The following FBXO11 variants were observed in gnomAD, a reference collection of about 807,000 sequenced individuals.
FBXO11 encodes the protein F-box only protein 11.
In FBXO11, 13 loss-of-function variants were observed where a neutral mutation model predicts 117.0. That is an observed-to-expected ratio of 0.11 (90% CI 0.07 to 0.18). The LOEUF (loss-of-function observed/expected upper bound fraction) is 0.18. FBXO11 is among the 10% of genes least tolerant of loss of function. FBXO11 has a pLI of 1.00. For missense variants in FBXO11, 767 were observed against 1,164.4 expected (o/e 0.66, Z 4.97); for synonymous variants, 490 against 380.5 (o/e 1.29, Z -3.35).
intron 1 of FBXO11, among the ~76,000 whole-genome samples, chr2:47,857,958 CAT>C (rs1553348364): frequency 2.0e-5 from 3 of 151,958 alleles, no homozygotes; most frequent in Non-Finnish European, 2.9e-5. Flanking sequence ...TACACACACA[CAT>C]ACATATATTT....
chr2:47,808,104 T>C lies in FBXO11; in HGVS notation c.*14A>G. On this transcript the variant is annotated 3_prime_UTR_variant, in exon 23 of 23. Transcript: ENST00000403359. ...GATGTTACAATGGCAGGACTTTTTCTTTAGGGAAGGAATTCAGTTGTGCTG... is the reference window on the plus strand; with the variant it reads ...GATGTTACAATGGCAGGACTTTTTCCTTAGGGAAGGAATTCAGTTGTGCTG... 6.3e-7 allele frequency: 1 copy of C among 1,594,420 alleles called. No individual in the cohort carries two copies. Among genetic ancestry groups the C allele is most frequent in the Non-Finnish European group, 8.5e-7 (1 of 1,173,482 alleles).
rs183074681 is a variant in FBXO11 at position 47,876,810 on chromosome 2, T to C, written c.232+28679A>G. ...ATGAAACCTTAAATTCTGGAAACCT[T>C]TTAATCATTATCTCACTGAATACTG... On this transcript the variant is annotated intron_variant, in intron 1 of 22. Transcript: ENST00000403359. Among the ~76,000 whole-genome samples the C allele has an allele frequency of 6.1e-3, 926 of 152,278 alleles. 4 individuals carry two copies. The highest frequency in any genetic ancestry group is 9.1e-3 in the Non-Finnish European group (619 of 68,016).
intron 11 of FBXO11, among the ~76,000 whole-genome samples, chr2:47,829,503 G>T (rs1672024347): frequency 6.6e-6 from 1 of 152,076 alleles, no homozygotes; most frequent in Admixed American, 6.6e-5. Context: ...GCCTCCCAAA[G>T]TGCTAGGATT....
At chr2:47,885,263 A>T (rs1304594455) in intron 1 of FBXO11, among the ~76,000 whole-genome samples, 3 of 152,228 alleles carry the variant, frequency 2.0e-5, no homozygotes, top group African/African-American at 7.2e-5. Context: ...TGTCAAAAAA[A>T]AGAAAACTGC....
chr2:47,873,029 A>G (rs1675737840), intron 1 of FBXO11, among the ~76,000 whole-genome samples: 1 of 152,168 alleles, frequency 6.6e-6, no homozygotes, highest in African/African-American at 2.4e-5. Flanking sequence ...AAAAAGTCTG[A>G]GAACTGCTAT....
intron 11 of FBXO11, among the ~76,000 whole-genome samples, 196 bp from the exon 12 acceptor site, chr2:47,823,556 C>T (rs1219746276): frequency 6.6e-6 from 1 of 152,072 alleles, no homozygotes; most frequent in Non-Finnish European, 1.5e-5. Context: ...AAGAGGAGAC[C>T]AGCCTGGCCA....
At chr2:47,899,832 A>G (rs1055281971) in intron 1 of FBXO11, among the ~76,000 whole-genome samples, 6 of 152,226 alleles carry the variant, frequency 3.9e-5, no homozygotes. Flanking sequence ...GGGACAAGAC[A>G]GAAACAAAAT....
chr2:47,820,956 T>C (rs1480123161), intron 13 of FBXO11, among the ~76,000 whole-genome samples: 1 of 152,244 alleles, frequency 6.6e-6, no homozygotes, highest in Non-Finnish European at 1.5e-5. Context: ...TATCTACTGA[T>C]TGTTTGCTGA....
chr2:47,890,811 GAA>G lies in FBXO11; in HGVS notation c.232+14676_232+14677del, dbSNP rs372701492. Among the ~76,000 whole-genome samples the G allele has an allele frequency of 5.7e-3, 838 of 146,494 alleles. 5 individuals are homozygous for G. The highest frequency in any genetic ancestry group is 0.02 in the African/African-American group (795 of 39,960). On this transcript the variant is annotated intron_variant, in intron 1 of 22. Transcript: ENST00000403359. The stretch of plus-strand genomic sequence containing the variant: ...AGAGCGAGACCCTGTCTAAAAAAAA[GAA>G]AAAAAAAAATATTATTATTATTGAG...
At chr2:47,845,211 TA>T (rs1158370823) in intron 1 of FBXO11, among the ~76,000 whole-genome samples, 1 of 122,348 alleles carries the variant, frequency 8.2e-6, no homozygotes, top group African/African-American at 3.1e-5. Context: ...GACTGAAAAG[TA>T]AGGAATTCAG....
chr2:47,881,496 T>C (rs1271846973), intron 1 of FBXO11, among the ~76,000 whole-genome samples: 2 of 152,198 alleles, frequency 1.3e-5, no homozygotes, highest in African/African-American at 4.8e-5. Context: ...TCCTCTCCCA[T>C]TACCCTATTT....
rs367632548 is a variant in FBXO11 at position 47,834,491 on chromosome 2, C to G, written c.934+88G>C. ...ACTTTACCAGCAGGATATTATAAAACTGGATTTTAAGTCACTAGCATTTTT... is the reference window on the plus strand; with the variant it reads ...ACTTTACCAGCAGGATATTATAAAAGTGGATTTTAAGTCACTAGCATTTTT... On this transcript the variant is annotated intron_variant, in intron 7 of 22. Coordinates refer to ENST00000403359, the MANE Select transcript of FBXO11 (RefSeq NM_001190274.2). 37 of 989,216 alleles carry G rather than the reference C, an allele frequency of 3.7e-5. 1 individual carries two copies. In the South Asian group the frequency reaches 3.9e-4, roughly 10 times the overall value. The allele number at this position is 989,216 out of a possible 1,614,324, so 61.3% of individuals were successfully genotyped here.
intron 1 of FBXO11, among the ~76,000 whole-genome samples, chr2:47,873,861 A>C (rs1675801144): frequency 6.6e-6 from 1 of 152,150 alleles, no homozygotes; most frequent in African/African-American, 2.4e-5. Context: ...TTTACATTTA[A>C]TCTGTGTTCC....
At position 47,833,069 on chromosome 2, in the gene FBXO11, T is replaced by C. The variant is rs1195535417; in HGVS notation, c.936A>G (p.Ala312=). 3 of 1,601,324 alleles carry C rather than the reference T, an allele frequency of 1.9e-6. No individual in the cohort carries two copies. In the East Asian group the frequency reaches 6.7e-5, roughly 36 times the overall value. Residue 312 remains alanine (A), a splice_region_variant and synonymous_variant, in exon 8 of 23, where the codon GCA becomes GCG. Coordinates refer to ENST00000403359, the MANE Select transcript of FBXO11 (RefSeq NM_001190274.2). The stretch of plus-strand genomic sequence containing the variant: ...TAACTTTGTCTGCCACTTTCCCAGG[T>C]GCTGTGGAGAAGATATTTTAAAGAA... ...IESPITMIGA[A]PGKVADKVII... is the part of the protein sequence containing the mutation.
intron 14 of FBXO11, 149 bp from the exon 15 acceptor site, chr2:47,819,227 T>C (rs1036130511): frequency 3.2e-5 from 24 of 741,242 alleles, no homozygotes; most frequent in Non-Finnish European, 4.9e-5. Flanking sequence ...TTTGTTTTGT[T>C]TTGTTTTGAA....
intron 1 of FBXO11, among the ~76,000 whole-genome samples, chr2:47,899,513 A>C (rs774537346): frequency 2.0e-5 from 3 of 152,190 alleles, no homozygotes; most frequent in Non-Finnish European, 4.4e-5. Flanking sequence ...TTCCCACTTG[A>C]AAGATCACAA....
chr2:47,860,409 G>GGT (rs1192379485), intron 1 of FBXO11, among the ~76,000 whole-genome samples: 1 of 149,346 alleles, frequency 6.7e-6, no homozygotes, highest in African/African-American at 2.5e-5. Context: ...TTTTACCCTG[G>GGT]ATTTTTTTTT....
intron 1 of FBXO11, chr2:47,905,095 C>G (rs1041910094): frequency 6.3e-6 from 1 of 157,666 alleles, no homozygotes; most frequent in Non-Finnish European, 1.4e-5. Flanking sequence ...CCACCTACCA[C>G]TAGAAAGAGG....
At chr2:47,864,451 G>C (rs1265612023) in intron 1 of FBXO11, among the ~76,000 whole-genome samples, 1 of 152,114 alleles carries the variant, frequency 6.6e-6, no homozygotes, top group African/African-American at 2.4e-5. Flanking sequence ...GCCTGGTGTG[G>C]TGGTGCATGC....
Sources: gnomAD v4.1 joint callset for allele counts (sites outside exome capture counted in the v4.1 genomes callset) on GRCh38, gnomAD v4.1.1 for gene constraint, MANE v1.5 for transcripts, NCBI Gene and HGNC (gene_info 2026-07-23, HGNC 2026-07-21) for gene names.